The following GNAQ variants were observed in gnomAD, a reference collection of about 807,000 sequenced individuals.
GNAQ encodes the protein guanine nucleotide-binding protein G(q) subunit alpha.
GNAQ carries 8 observed loss-of-function variants against 43.9 expected under a neutral mutation model. The observed-to-expected ratio is 0.18, with a 90% CI of 0.11 to 0.33. The LOEUF (loss-of-function observed/expected upper bound fraction) is 0.33, where lower values mean the gene tolerates loss of function less well. Among genes scored for constraint, GNAQ ranks in the 10% least tolerant of loss-of-function variants. GNAQ has a pLI of 1.00. For missense variants in GNAQ, 158 were observed against 450.8 expected (o/e 0.35, Z 5.88); for synonymous variants, 155 against 170.7 (o/e 0.91, Z 0.71).
At chr9:77,830,602 C>A (rs1827283535) in intron 2 of GNAQ, among the ~76,000 whole-genome samples, 2 of 152,260 alleles carry the variant, frequency 1.3e-5, no homozygotes, top group Admixed American at 6.5e-5. Context: ...TCCAAATATG[C>A]TGACCTTTTT....
intron 1 of GNAQ, among the ~76,000 whole-genome samples, chr9:78,002,390 A>G (rs1823655214): frequency 6.6e-6 from 1 of 152,166 alleles, no homozygotes; most frequent in African/African-American, 2.4e-5. Context: ...ACACACAACC[A>G]CAAGAAAGAT....
At chr9:77,801,181 T>C (rs1359213991) in intron 3 of GNAQ, among the ~76,000 whole-genome samples, 1 of 152,144 alleles carries the variant, frequency 6.6e-6, no homozygotes, top group Non-Finnish European at 1.5e-5. Flanking sequence ...AGTGGGAAAT[T>C]ACCTGTCACA....
At chr9:77,861,292 C>A (rs1378162878) in intron 2 of GNAQ, among the ~76,000 whole-genome samples, 1 of 152,182 alleles carries the variant, frequency 6.6e-6, no homozygotes, top group Non-Finnish European at 1.5e-5. Context: ...GTCCTTCCCA[C>A]AACACATGGG....
At chr9:78,010,674 C>G (rs1427686016) in intron 1 of GNAQ, among the ~76,000 whole-genome samples, 2 of 151,696 alleles carry the variant, frequency 1.3e-5, no homozygotes, top group African/African-American at 4.8e-5. Flanking sequence ...TCAAGATGAA[C>G]AAGAAGAAAA....
chr9:77,934,649 G>A (rs897282743), intron 1 of GNAQ, among the ~76,000 whole-genome samples: 2 of 152,116 alleles, frequency 1.3e-5, no homozygotes, highest in Admixed American at 6.5e-5. Flanking sequence ...ATGACATTGA[G>A]AATACTAAGA....
At chr9:77,913,444 A>C (rs1179810515) in intron 2 of GNAQ, among the ~76,000 whole-genome samples, 2 of 152,182 alleles carry the variant, frequency 1.3e-5, no homozygotes, top group Non-Finnish European at 2.9e-5. Context: ...TTCCTCAGTT[A>C]CACTAGGCAC....
At chr9:77,809,792 G>C (rs1457579552) in intron 3 of GNAQ, among the ~76,000 whole-genome samples, 1 of 152,156 alleles carries the variant, frequency 6.6e-6, no homozygotes, top group Non-Finnish European at 1.5e-5. Flanking sequence ...TAGAAGGGAA[G>C]CTCAAATCAT....
chr9:77,989,139 TG>T (rs1374675898), intron 1 of GNAQ, among the ~76,000 whole-genome samples: 1 of 152,238 alleles, frequency 6.6e-6, no homozygotes, highest in Non-Finnish European at 1.5e-5. Flanking sequence ...AAATGAAGTA[TG>T]TTTTTTAAAA....
intron 2 of GNAQ, among the ~76,000 whole-genome samples, chr9:77,882,481 G>T (rs371356943): frequency 6.6e-6 from 1 of 152,166 alleles, no homozygotes; most frequent in African/African-American, 2.4e-5. Flanking sequence ...GAATTTCACC[G>T]CATCACTGCT....
At chr9:77,963,350 G>A (rs1823128716) in intron 1 of GNAQ, among the ~76,000 whole-genome samples, 1 of 152,150 alleles carries the variant, frequency 6.6e-6, no homozygotes, top group Admixed American at 6.5e-5. Context: ...ATCTCAATTG[G>A]TTCAACTTAC....
chr9:77,985,329 A>C (rs751368595), intron 1 of GNAQ, among the ~76,000 whole-genome samples: 19 of 152,190 alleles, frequency 1.2e-4, no homozygotes, highest in South Asian at 2.1e-4. Context: ...ACCAACCAAC[A>C]AACAAAAGAG....
Position 77,719,290 on chromosome 9 carries a change from A to C in GNAQ, c.*2033T>G. ...AGATACATATCAATACAGCACATTCAATCTGCCAAAAAATTAATGATTACA... is the reference window on the plus strand; with the variant it reads ...AGATACATATCAATACAGCACATTCCATCTGCCAAAAAATTAATGATTACA... On this transcript the variant is annotated 3_prime_UTR_variant, in exon 7 of 7. Transcript: ENST00000286548. The C allele has an allele frequency of 4.3e-6, 1 of 232,736 alleles. No individual in the cohort carries two copies. The highest frequency in any genetic ancestry group is 2.2e-5 in the African/African-American group (1 of 45,442). 14.4% of individuals were successfully genotyped at this position (232,736 alleles called of 1,614,324 possible). A position where few individuals can be genotyped will look rare whatever the true frequency, so the allele number is the denominator to read the frequency against.
intron 2 of GNAQ, among the ~76,000 whole-genome samples, chr9:77,824,818 C>G (rs1827168406): frequency 6.6e-6 from 1 of 152,134 alleles, no homozygotes; most frequent in South Asian, 2.1e-4. Context: ...AGTTTTTCTT[C>G]TGCTAAGAGA....
In GNAQ at chr9:77,718,726, A is replaced by ATT. The variant is rs754786107; in HGVS notation, c.*2595_*2596dup. The ATT allele has an allele frequency of 0.043, 4,851 of 112,798 alleles. 513 individuals are homozygous for ATT. The highest frequency in any genetic ancestry group is 0.13 in the Admixed American group (792 of 6,022). 7.0% of individuals were successfully genotyped at this position (112,798 alleles called of 1,614,324 possible). A position where few individuals can be genotyped will look rare whatever the true frequency, so the allele number is the denominator to read the frequency against. ...GTAGGCCTTCAAATGTTGTTGTTTA[A>ATT]TTTTTTTTTTTTTTTTTTTTTTTTT... On this transcript the variant is annotated 3_prime_UTR_variant, in exon 7 of 7. Coordinates refer to ENST00000286548, the MANE Select transcript of GNAQ (RefSeq NM_002072.5).
chr9:77,891,463 C>T (rs990726408), intron 2 of GNAQ, among the ~76,000 whole-genome samples: 1 of 152,158 alleles, frequency 6.6e-6, no homozygotes, highest in African/African-American at 2.4e-5. Flanking sequence ...ATTTACTGAC[C>T]TTGCCACCAC....
At chr9:77,984,192 G>A (rs1295038961) in intron 1 of GNAQ, among the ~76,000 whole-genome samples, 1 of 142,162 alleles carries the variant, frequency 7.0e-6, no homozygotes, top group Non-Finnish European at 1.5e-5. Flanking sequence ...TTTTTTTTGA[G>A]ACAGGGCCTC....
In GNAQ at chr9:77,720,188, G is replaced by A. The variant is rs1379858504; in HGVS notation, c.*1135C>T. 4 of 233,226 alleles carry A rather than the reference G, an allele frequency of 1.7e-5. No homozygotes were observed. Among genetic ancestry groups the A allele is most frequent in the Non-Finnish European group, 3.4e-5 (4 of 117,916 alleles). 14.4% of individuals were successfully genotyped at this position (233,226 alleles called of 1,614,324 possible). A position where few individuals can be genotyped will look rare whatever the true frequency, so the allele number is the denominator to read the frequency against. On this transcript the variant is annotated 3_prime_UTR_variant, in exon 7 of 7. Coordinates refer to ENST00000286548, the MANE Select transcript of GNAQ (RefSeq NM_002072.5). ...GAGAATCAAATTTCTAGTTACAACT[G>A]TTTGGCAAATGGCATTTCTGGTTCA...
chr9:77,739,773 C>T (rs1009169640), intron 5 of GNAQ, among the ~76,000 whole-genome samples: 2 of 152,152 alleles, frequency 1.3e-5, no homozygotes, highest in Non-Finnish European at 1.5e-5. Context: ...TTGCACTTGT[C>T]CACTTTCTGA....
At chr9:77,762,280 C>A (rs1826049696) in intron 5 of GNAQ, among the ~76,000 whole-genome samples, 2 of 147,930 alleles carry the variant, frequency 1.4e-5, no homozygotes, top group Admixed American at 1.3e-4. Flanking sequence ...GGCCAGCCGC[C>A]CCGTCCGGGA....
Sources: gnomAD v4.1 joint callset for allele counts (sites outside exome capture counted in the v4.1 genomes callset) on GRCh38, gnomAD v4.1.1 for gene constraint, MANE v1.5 for transcripts, NCBI Gene and HGNC (gene_info 2026-07-23, HGNC 2026-07-21) for gene names.